The following DNASE1L3 variants were observed in gnomAD, a reference collection of about 807,000 sequenced individuals.
The protein encoded by DNASE1L3 is deoxyribonuclease gamma.
Under a neutral mutation model 30.9 loss-of-function variants are expected in DNASE1L3, and 27 were observed. The ratio of observed to expected loss-of-function variants is 0.87; its 90% confidence interval spans 0.64 to 1.20. The LOEUF is 1.20. Among genes scored for constraint, DNASE1L3 ranks in the 50% most tolerant of loss-of-function variants. The pLI, the probability that DNASE1L3 is intolerant of heterozygous loss-of-function variation, is 0.00. For missense variants in DNASE1L3, 364 were observed against 378.2 expected (o/e 0.96, Z 0.31); for synonymous variants, 135 against 138.0 (o/e 0.98, Z 0.15).
Position 58,192,895 on chromosome 3 carries a change from G to A in DNASE1L3, c.802-92C>T, listed in dbSNP as rs2097395061. 3.2e-6 allele frequency: 5 copies of A among 1,553,780 alleles called. No individual in the cohort carries two copies. The South Asian group carries it at 5.0e-5, about 16-fold the overall frequency. On this transcript the variant is annotated intron_variant, in intron 7 of 7. Transcript: ENST00000394549. The surrounding 1 kb of genome is among the most constrained non-coding windows in gnomAD (Gnocchi z 4.8). ...GATGAGCAAATTTAGGACCAGGGAG[G>A]GGAGAGGAAATGCCCGAAGTCACCC...
intron 1 of DNASE1L3, among the ~76,000 whole-genome samples, chr3:58,210,140 A>T (rs757066817): frequency 1.3e-5 from 2 of 151,938 alleles, no homozygotes; most frequent in African/African-American, 2.4e-5. Context: ...GAAGGAAAAA[A>T]GTAAGGAAGG....
Position 58,192,577 on chromosome 3 carries a change from A to T in DNASE1L3, c.*110T>A, listed in dbSNP as rs1042560741. On this transcript the variant is annotated 3_prime_UTR_variant, in exon 8 of 8. Coordinates refer to ENST00000394549, the MANE Select transcript of DNASE1L3 (RefSeq NM_004944.4). The surrounding 1 kb of genome is among the most constrained non-coding windows in gnomAD (Gnocchi z 4.8). ...AGTCAGAATAAATTCAGGTCAAAAAATGAAAGCAGTTGGATCACTCTTGTT... is the reference window on the plus strand; with the variant it reads ...AGTCAGAATAAATTCAGGTCAAAAATTGAAAGCAGTTGGATCACTCTTGTT... The T allele has an allele frequency of 4.2e-6, 5 of 1,199,580 alleles. No individual in the cohort carries two copies. The African/African-American group carries it at 7.7e-5, about 19-fold the overall frequency. The allele number at this position is 1,199,580 out of a possible 1,614,324, so 74.3% of individuals were successfully genotyped here. A position where few individuals can be genotyped will look rare whatever the true frequency, so the allele number is the denominator to read the frequency against.
chr3:58,195,894 C>A (rs553901388), intron 6 of DNASE1L3, among the ~76,000 whole-genome samples: 7 of 152,334 alleles, frequency 4.6e-5, no homozygotes, highest in Admixed American at 4.6e-4. Flanking sequence ...TGTAATCCCA[C>A]CATCCTTTGG....
chr3:58,197,993 T>G lies in DNASE1L3; in HGVS notation c.547-15A>C. The stretch of plus-strand genomic sequence containing the variant: ...AAAATGAAATTCTAAAAGACAAGAT[T>G]TGGAACTGTCACCTGGTGGGTGCTG... On this transcript the variant is annotated splice_polypyrimidine_tract_variant and intron_variant, in intron 5 of 7. Transcript: ENST00000394549. This position sits in a 1 kb window ranked among gnomAD's most constrained non-coding sequence, Gnocchi z 5.3. 1 of 1,597,002 alleles carries G rather than the reference T, an allele frequency of 6.3e-7. No homozygotes were observed.
At chr3:58,209,566 G>A (rs1037853082) in intron 1 of DNASE1L3, among the ~76,000 whole-genome samples, 16 of 152,190 alleles carry the variant, frequency 1.1e-4, no homozygotes, top group East Asian at 1.9e-4. Flanking sequence ...TGAGAGGCTC[G>A]TCCAAGGAAG....
chr3:58,201,046 T>A lies in DNASE1L3; in HGVS notation c.497A>T (p.Asp166Val). 1 of 1,613,246 alleles carries A rather than the reference T, an allele frequency of 6.2e-7. No homozygotes were observed. Among genetic ancestry groups the A allele is most frequent in the South Asian group, 1.1e-5 (1 of 90,878 alleles). ...TTPETSVKEI[D>V]ELVEVYTDVK... ...GTCCGTGTAGACCTCAACCAACTCATCGATCTCCTTAACGGATGTCTCTGG... is the reference window on the plus strand; with the variant it reads ...GTCCGTGTAGACCTCAACCAACTCAACGATCTCCTTAACGGATGTCTCTGG... The change falls in exon 5 of 8, where the codon GAT (aspartate) becomes GTT (valine). Residue 166 changes from aspartate (D) to valine (V), a missense_variant. Coordinates refer to ENST00000394549, the MANE Select transcript of DNASE1L3 (RefSeq NM_004944.4).
rs1170588347 is a variant in DNASE1L3, at chr3:58,200,343, G to A, written c.546+654C>T. On this transcript the variant is annotated intron_variant, in intron 5 of 7. Coordinates refer to ENST00000394549, the MANE Select transcript of DNASE1L3 (RefSeq NM_004944.4). The surrounding 1 kb of genome is among the most constrained non-coding windows in gnomAD (Gnocchi z 4.2). ...TCCCACACTATTTGTTGCCTTGTGGGAAAGAAAATTTATTTTGGTCTGGAG... is the reference window on the plus strand; with the variant it reads ...TCCCACACTATTTGTTGCCTTGTGGAAAAGAAAATTTATTTTGGTCTGGAG... 6.6e-6 allele frequency among the ~76,000 whole-genome samples: 1 copy of A among 152,184 alleles called. No individual in the cohort carries two copies. The highest frequency in any genetic ancestry group is 1.5e-5 in the Non-Finnish European group (1 of 68,040).
intron 6 of DNASE1L3, among the ~76,000 whole-genome samples, chr3:58,195,508 C>G (rs1384866308): frequency 4.0e-5 from 6 of 148,908 alleles, no homozygotes; most frequent in Non-Finnish European, 2.9e-5. Context: ...TGGCTCACAC[C>G]TGTAATCCAA....
intron 2 of DNASE1L3, 49 bp downstream of exon 2, chr3:58,208,169 C>T: frequency 6.4e-7 from 1 of 1,572,952 alleles, no homozygotes; most frequent in South Asian, 1.1e-5. Flanking sequence ...TTTCAGATGC[C>T]CTTGCACTTG....
intron 4 of DNASE1L3, among the ~76,000 whole-genome samples, chr3:58,204,173 C>G: frequency 6.7e-6 from 1 of 149,910 alleles, no homozygotes; most frequent in Admixed American, 6.7e-5. Context: ...AAGAGTCTCA[C>G]TCTATCGCCC....
Position 58,210,770 on chromosome 3 carries a change from AC to A in DNASE1L3, c.136del (p.Val46Ter), listed in dbSNP as rs1383165511. The A allele has an allele frequency of 5.0e-6, 8 of 1,614,130 alleles. No individual in the cohort carries two copies. Among genetic ancestry groups the A allele is most frequent in the Non-Finnish European group, 6.8e-6 (8 of 1,180,004 alleles). ...QEDKNAMDVI[V>X]KVIKRCDIIL... is the part of the protein sequence containing the mutation. Reference sequence around the variant, plus strand: ...CCTCCCAGGAAAGGGGCTCACCTTCACAATGACATCCATGGCATTCTTGTCT... The same window carrying A: ...CCTCCCAGGAAAGGGGCTCACCTTCAAATGACATCCATGGCATTCTTGTCT... On this transcript the variant is annotated frameshift_variant, in exon 1 of 8. Coordinates refer to ENST00000394549, the MANE Select transcript of DNASE1L3 (RefSeq NM_004944.4). LOFTEE classifies it high-confidence loss of function.
chr3:58,199,311 A>G (rs995263689), intron 5 of DNASE1L3, among the ~76,000 whole-genome samples: 2 of 152,220 alleles, frequency 1.3e-5, no homozygotes, highest in African/African-American at 4.8e-5. Flanking sequence ...CTATAGAAAC[A>G]GGATTGAGAG....
chr3:58,210,201 CAGAA>C (rs1477096527), intron 1 of DNASE1L3, among the ~76,000 whole-genome samples: 1 of 124,268 alleles, frequency 8.0e-6, no homozygotes, highest in Non-Finnish European at 1.7e-5. Context: ...AAAGAAAAGA[CAGAA>C]AGAAGAAAGA....
At chr3:58,202,903 C>A (rs147150608) in intron 4 of DNASE1L3, among the ~76,000 whole-genome samples, 1,863 of 151,558 alleles carry the variant, frequency 0.012, 145 homozygotes, top group Admixed American at 0.11. Flanking sequence ...TAATTAAGAA[C>A]AAAAGTTCCA....
At chr3:58,194,374 G>T (rs961857161) in intron 6 of DNASE1L3, among the ~76,000 whole-genome samples, 4 of 137,602 alleles carry the variant, frequency 2.9e-5, no homozygotes, top group Non-Finnish European at 6.1e-5. Flanking sequence ...AGGTTGGAGT[G>T]CAGTGCGCCA....
At chr3:58,198,113 C>T in intron 5 of DNASE1L3, 135 bp from the exon 6 acceptor site, 1 of 990,168 alleles carries the variant, frequency 1.0e-6, no homozygotes, top group South Asian at 1.7e-5. Context: ...TTGTCTACCC[C>T]CTGCTCCCGC....
intron 1 of DNASE1L3, among the ~76,000 whole-genome samples, chr3:58,209,218 G>A (rs2107383040): frequency 6.6e-6 from 1 of 152,326 alleles, no homozygotes. Context: ...TGGCCTCTTG[G>A]TAGGATGGGG....
chr3:58,199,491 G>A (rs916699708), intron 5 of DNASE1L3, among the ~76,000 whole-genome samples: 2 of 152,124 alleles, frequency 1.3e-5, no homozygotes, highest in Admixed American at 6.5e-5. Flanking sequence ...CCAACATGGT[G>A]AAACCCCATT....
chr3:58,196,326 C>T lies in DNASE1L3; in HGVS notation c.704+1495G>A, dbSNP rs182727140. Among the ~76,000 whole-genome samples, 321 of 151,054 alleles carry T rather than the reference C, an allele frequency of 2.1e-3. 1 individual carries two copies. The highest frequency in any genetic ancestry group is 0.014 in the East Asian group (72 of 5,124). On this transcript the variant is annotated intron_variant, in intron 6 of 7. Coordinates refer to ENST00000394549, the MANE Select transcript of DNASE1L3 (RefSeq NM_004944.4). ...TTGGGAGGCCGAGGCGGGCGGATCA[C>T]GAGGTCAAGAAATCAAGACCATCCT...
Sources: allele counts gnomAD v4.1 joint callset (sites outside exome capture counted in the v4.1 genomes callset), GRCh38; gene constraint gnomAD v4.1.1; non-coding constraint Gnocchi (gnomAD v3.1); transcripts MANE v1.5; gene names NCBI Gene and HGNC (gene_info 2026-07-23, HGNC 2026-07-21).